Variants in STIM2 observed in about 807,000 individuals in gnomAD.
The protein encoded by STIM2 is stromal interaction molecule 2.
In STIM2, 31 loss-of-function variants were observed where a neutral mutation model predicts 85.8. That is an observed-to-expected ratio of 0.36 (90% CI 0.27 to 0.49). The LOEUF (loss-of-function observed/expected upper bound fraction) is 0.49. Among genes scored for constraint, STIM2 ranks in the 20% least tolerant of loss-of-function variants. The pLI, the probability that STIM2 is intolerant of heterozygous loss-of-function variation, is 0.98. For synonymous variants in STIM2, 356 were observed against 331.1 expected (o/e 1.08, Z -0.82); for missense variants, 841 against 927.6 (o/e 0.91, Z 1.21).
intron 1 of STIM2, among the ~76,000 whole-genome samples, chr4:26,880,524 A>T (rs1445820884): frequency 6.6e-6 from 1 of 151,174 alleles, no homozygotes; most frequent in Admixed American, 6.6e-5. Context: ...TCTAGATAGT[A>T]CACAGTGTCT....
intron 7 of STIM2, among the ~76,000 whole-genome samples, chr4:27,004,823 G>A (rs1479393911): frequency 1.3e-5 from 2 of 152,190 alleles, no homozygotes; most frequent in African/African-American, 2.4e-5. Flanking sequence ...TGGCATGATC[G>A]TATTAATAAG....
At position 26,879,997 on chromosome 4, in the gene STIM2, CTT is replaced by C. The variant is rs200301473; in HGVS notation, c.151+18630_151+18631del. Among the ~76,000 whole-genome samples the C allele has an allele frequency of 2.6e-3, 403 of 152,278 alleles. 2 individuals carry two copies. Among genetic ancestry groups the C allele is most frequent in the African/African-American group, 9.0e-3 (374 of 41,554 alleles). ...ACCTTCCTAACTTCTTGTTATCATT[CTT>C]TACCTTCTGCAGTCTAATCTCAGAA... On this transcript the variant is annotated intron_variant, in intron 1 of 11. Transcript: ENST00000467087.
At chr4:26,879,319 T>C (rs552821916) in intron 1 of STIM2, among the ~76,000 whole-genome samples, 10 of 152,196 alleles carry the variant, frequency 6.6e-5, no homozygotes, top group African/African-American at 2.4e-4. Context: ...CTAATGGTTG[T>C]GAAACTGTTA....
intron 1 of STIM2, chr4:26,873,904 T>C (rs1722722735): frequency 7.3e-7 from 1 of 1,376,872 alleles, no homozygotes; most frequent in Non-Finnish European, 1.0e-6. Context: ...GGTCTGCGGC[T>C]GAGTGGACAG....
chr4:26,981,615 A>G lies in STIM2; in HGVS notation c.398-13764A>G, dbSNP rs750241605. 3.9e-5 allele frequency among the ~76,000 whole-genome samples: 6 copies of G among 152,196 alleles called. No individual in the cohort carries two copies. The South Asian group carries it at 8.3e-4, about 21-fold the overall frequency. On this transcript the variant is annotated intron_variant, in intron 3 of 11. Transcript: ENST00000467087. ...ATGGCCTTTTATAGCCAAAGGATGC[A>G]GGGTGATGCATTGTACCCGGTTGTC...
At chr4:26,987,826 A>G (rs755551180) in intron 3 of STIM2, among the ~76,000 whole-genome samples, 22 of 152,250 alleles carry the variant, frequency 1.4e-4, no homozygotes, top group Non-Finnish European at 2.9e-4. Context: ...TAACTTTGGC[A>G]TTACTGTTAG....
At chr4:26,878,537 G>C (rs1722892615) in intron 1 of STIM2, among the ~76,000 whole-genome samples, 1 of 152,096 alleles carries the variant, frequency 6.6e-6, no homozygotes, top group Non-Finnish European at 1.5e-5. Flanking sequence ...GCTTCTCCTA[G>C]TCTGTAATTG....
At chr4:26,920,687 A>G (rs1428799420) in intron 2 of STIM2, among the ~76,000 whole-genome samples, 1 of 152,124 alleles carries the variant, frequency 6.6e-6, no homozygotes, top group Admixed American at 6.5e-5. Context: ...CAAAACGTTT[A>G]TTTGAGAATG....
chr4:26,920,666 G>A (rs530518066), intron 2 of STIM2, among the ~76,000 whole-genome samples: 1 of 152,180 alleles, frequency 6.6e-6, no homozygotes, highest in South Asian at 2.1e-4. Context: ...ATCACTTCTT[G>A]GCTTGCTATA....
At position 26,901,479 on chromosome 4, in the gene STIM2, A is replaced by AT. The variant is rs1577426308; in HGVS notation, c.152-18021dup. ...ACTTTTTTCCTTGGAAAATCAGAAC[A>AT]TTTTCTTTTAAAAACATTTATTACA... On this transcript the variant is annotated intron_variant, in intron 1 of 11. Coordinates refer to ENST00000467087, the MANE Select transcript of STIM2 (RefSeq NM_020860.4). Among the ~76,000 whole-genome samples the AT allele has an allele frequency of 2.0e-5, 3 of 152,244 alleles. No homozygotes were observed. In the East Asian group the frequency reaches 5.8e-4, roughly 29 times the overall value.
At chr4:26,927,700 AAAAAAAACTTGAATAAAAAAAAAAACTG>A (rs1241792897) in intron 2 of STIM2, among the ~76,000 whole-genome samples, 1 of 129,170 alleles carries the variant, frequency 7.7e-6, no homozygotes, top group African/African-American at 3.4e-5. Context: ...AAAAAAAAAA[AAAAAAAACTTGAATAAAAAAAAAAACTG>A]ACTGAACTTA....
chr4:26,880,588 T>C (rs1722966032), intron 1 of STIM2, among the ~76,000 whole-genome samples: 1 of 148,500 alleles, frequency 6.7e-6, no homozygotes, highest in Admixed American at 6.8e-5. Flanking sequence ...ATACCTTTTG[T>C]GCATAAACCT....
At chr4:26,938,808 A>G (rs1255684664) in intron 2 of STIM2, among the ~76,000 whole-genome samples, 1 of 152,212 alleles carries the variant, frequency 6.6e-6, no homozygotes, top group Non-Finnish European at 1.5e-5. Flanking sequence ...AGAGAGATTA[A>G]GTTATTTAAG....
chr4:26,892,781 G>T (rs1245531765), intron 1 of STIM2, among the ~76,000 whole-genome samples: 2 of 152,104 alleles, frequency 1.3e-5, no homozygotes, highest in Admixed American at 6.5e-5. Context: ...AGGTAAGAGT[G>T]AAAGTGTATT....
At position 27,011,543 on chromosome 4, in the gene STIM2, A is replaced by C. The variant is rs114662857; in HGVS notation, c.1489+2541A>C. 3.8e-3 allele frequency among the ~76,000 whole-genome samples: 582 copies of C among 152,304 alleles called. 6 individuals are homozygous for C. The highest frequency in any genetic ancestry group is 0.014 in the African/African-American group (564 of 41,552). On this transcript the variant is annotated intron_variant, in intron 10 of 11. Transcript: ENST00000467087. ...AGGCACCTTTTACTAGTCATTGTCA[A>C]GTTGCTCTCAAAATAGTTTACATAC...
At chr4:26,928,345 A>G (rs1725065524) in intron 2 of STIM2, among the ~76,000 whole-genome samples, 2 of 152,172 alleles carry the variant, frequency 1.3e-5, no homozygotes, top group African/African-American at 4.8e-5. Flanking sequence ...AGAAATCCAC[A>G]TTTCCTGAAT....
At chr4:26,885,104 A>G (rs918821590) in intron 1 of STIM2, among the ~76,000 whole-genome samples, 3 of 152,186 alleles carry the variant, frequency 2.0e-5, no homozygotes, top group African/African-American at 4.8e-5. Context: ...TACACATGCA[A>G]AAACACAGAT....
At chr4:26,942,718 T>G (rs553463331) in intron 2 of STIM2, among the ~76,000 whole-genome samples, 101 of 152,240 alleles carry the variant, frequency 6.6e-4, no homozygotes, top group East Asian at 9.6e-4. Flanking sequence ...CATCCTTATT[T>G]TATTTCTACT....
At chr4:27,007,126 A>G (rs1728390552) in intron 7 of STIM2, among the ~76,000 whole-genome samples, 1 of 152,234 alleles carries the variant, frequency 6.6e-6, no homozygotes, top group Non-Finnish European at 1.5e-5. Context: ...CATAAATGAA[A>G]TATGCATTAT....
Sources: allele counts gnomAD v4.1 joint callset (sites outside exome capture counted in the v4.1 genomes callset), GRCh38; gene constraint gnomAD v4.1.1; transcripts MANE v1.5; gene names NCBI Gene and HGNC (gene_info 2026-07-23, HGNC 2026-07-21).